Variants in ARHGEF33 observed in about 807,000 individuals in gnomAD.
ARHGEF33 encodes Rho guanine nucleotide exchange factor 33.
ARHGEF33 carries 72 observed loss-of-function variants against 101.9 expected under a neutral mutation model. The observed-to-expected ratio is 0.71, with a 90% CI of 0.58 to 0.86. The LOEUF (loss-of-function observed/expected upper bound fraction) is 0.86. Ranked by LOEUF, ARHGEF33 falls within the 40% of genes least tolerant of loss-of-function variation. ARHGEF33 has a pLI of 0.00. For missense variants in ARHGEF33, 1,169 were observed against 1,111.3 expected, an observed-to-expected ratio of 1.05 and a Z score of -0.74; for synonymous variants, 499 against 442.5, an observed-to-expected ratio of 1.13 and a Z score of -1.60.
intron 7 of ARHGEF33, among the ~76,000 whole-genome samples, chr2:38,934,946 G>T (rs1484594531): frequency 6.6e-6 from 1 of 151,908 alleles, no homozygotes; most frequent in African/African-American, 2.4e-5. Flanking sequence ...GGAGCAGCCA[G>T]TGTCAGGGTC....
At position 38,966,052 on chromosome 2, in the gene ARHGEF33, G is replaced by A. The variant is rs1668045602; in HGVS notation, c.2390G>A (p.Arg797Lys). The A allele has an allele frequency of 1.3e-6, 2 of 1,551,692 alleles. No homozygotes were observed. The highest frequency in any genetic ancestry group is 8.7e-7 in the Non-Finnish European group (1 of 1,146,966). Residue 797 changes from arginine (R) to lysine (K), a missense_variant, in exon 17 of 18, where the codon AGA (arginine) becomes AAA (lysine). By Grantham distance (26) the Arg-to-Lys change is conservative. Transcript: ENST00000409978. ...DTTRFCPKEE[R>K]ESEQTSFSDQ... Reference sequence around the variant, plus strand: ...ACCAGATTCTGTCCCAAAGAAGAAAGAGAAAGTGAACAAACATCTTTCAGC... The same window carrying A: ...ACCAGATTCTGTCCCAAAGAAGAAAAAGAAAGTGAACAAACATCTTTCAGC...
At chr2:38,909,381 G>C (rs1002762518) in intron 2 of ARHGEF33, among the ~76,000 whole-genome samples, 1 of 151,812 alleles carries the variant, frequency 6.6e-6, no homozygotes, top group Admixed American at 6.6e-5. Flanking sequence ...GAGTGCAGTG[G>C]CTCTATCATC....
intron 2 of ARHGEF33, among the ~76,000 whole-genome samples, chr2:38,917,184 C>T (rs762502876): frequency 9.3e-5 from 14 of 150,410 alleles, no homozygotes; most frequent in Admixed American, 1.3e-4. Flanking sequence ...CTCTGCGTCT[C>T]AGGTTAAAGT....
At chr2:38,931,337 G>C (rs1666999025) in intron 7 of ARHGEF33, 86 bp downstream of exon 7, 3 of 1,234,064 alleles carry the variant, frequency 2.4e-6, no homozygotes, top group Admixed American at 3.1e-5. Context: ...CTCCATCTTT[G>C]TTAGAAGAAA....
chr2:38,975,412 A>G lies in ARHGEF33; in HGVS notation c.*1569A>G, dbSNP rs915686547. ...GACTGGACGTGGAAAGTGAAATACT[A>G]CAGAAGTCACAATCTATTAAATAAA... is the stretch of plus-strand genomic sequence containing the variant. On this transcript the variant is annotated 3_prime_UTR_variant, in exon 18 of 18. Coordinates refer to ENST00000409978, the MANE Select transcript of ARHGEF33 (RefSeq NM_001145451.5). The G allele has an allele frequency of 6.6e-6, 1 of 152,236 alleles. No individual in the cohort carries two copies. The highest frequency in any genetic ancestry group is 2.4e-5 in the African/African-American group (1 of 41,460). The allele number at this position is 152,236 out of a possible 1,614,324, so 9.4% of individuals were successfully genotyped here.
At chr2:38,914,664 C>CAAAAAA (rs199737558) in intron 2 of ARHGEF33, among the ~76,000 whole-genome samples, 7 of 95,914 alleles carry the variant, frequency 7.3e-5, no homozygotes, top group Admixed American at 6.6e-4. Flanking sequence ...GACTCCATCT[C>CAAAAAA]AAAAAAAAAA....
chr2:38,947,562 C>T (rs897816167), intron 10 of ARHGEF33, among the ~76,000 whole-genome samples: 1 of 152,186 alleles, frequency 6.6e-6, no homozygotes, highest in African/African-American at 2.4e-5. Flanking sequence ...ATACATCATA[C>T]CACTAACAGC....
intron 14 of ARHGEF33, 102 bp from the exon 15 acceptor site, chr2:38,957,932 A>T (rs1341598839): frequency 1.4e-6 from 2 of 1,400,442 alleles, no homozygotes; most frequent in African/African-American, 2.9e-5. Flanking sequence ...CTTCACAGCA[A>T]ACTTTATCTG....
rs1667875404 is a variant in ARHGEF33, at chr2:38,960,047, A to C, written c.1742A>C (p.Glu581Ala). ...PLQAIPEMDF[E>A]SSPAEPLGNV... ...CAGGCCATCCCGGAGATGGACTTCG[A>C]GTCCTCTCCGGCGGAGCCGCTGGGC... The change falls in exon 16 of 18, where the codon GAG (glutamate) becomes GCG (alanine). Residue 581 changes from glutamate (E) to alanine (A), a missense_variant. Transcript: ENST00000409978. 1 of 1,544,024 alleles carries C rather than the reference A, an allele frequency of 6.5e-7. No homozygotes were observed. Among genetic ancestry groups the C allele is most frequent in the Admixed American group, 2.0e-5 (1 of 50,826 alleles).
intron 7 of ARHGEF33, among the ~76,000 whole-genome samples, chr2:38,932,319 G>A (rs189131328): frequency 6.6e-6 from 1 of 152,254 alleles, no homozygotes; most frequent in Non-Finnish European, 1.5e-5. Flanking sequence ...AGAGACAGGG[G>A]TTTCACCATG....
At chr2:38,899,314 A>G (rs1666191315) in intron 2 of ARHGEF33, among the ~76,000 whole-genome samples, 1 of 152,176 alleles carries the variant, frequency 6.6e-6, no homozygotes, top group Non-Finnish European at 1.5e-5. Context: ...ATTAAGTAAA[A>G]TTGCTAGTAT....
At chr2:38,951,169 G>A (rs754864286) in intron 11 of ARHGEF33, 48 bp downstream of exon 11, 2 of 1,521,430 alleles carry the variant, frequency 1.3e-6, no homozygotes, top group Non-Finnish European at 8.9e-7. Context: ...ACGGATTTGT[G>A]TCTCATTTGT....
intron 7 of ARHGEF33, among the ~76,000 whole-genome samples, chr2:38,931,841 C>G (rs567314289): frequency 9.2e-5 from 14 of 152,290 alleles, no homozygotes; most frequent in African/African-American, 3.4e-4. Context: ...AGCAAAGCAC[C>G]TATACACAGA....
chr2:38,948,272 C>G (rs963191179), intron 10 of ARHGEF33, among the ~76,000 whole-genome samples: 2 of 152,196 alleles, frequency 1.3e-5, no homozygotes, highest in African/African-American at 4.8e-5. Flanking sequence ...AAATAATACC[C>G]TTGTTAAATT....
chr2:38,973,392 G>GT (rs1668208192), intron 17 of ARHGEF33: 1 of 157,504 alleles, frequency 6.3e-6, no homozygotes, highest in South Asian at 2.0e-4. Flanking sequence ...TTGTGGAGTT[G>GT]TTACTTCATT....
chr2:38,947,813 G>A (rs1050726506), intron 10 of ARHGEF33, among the ~76,000 whole-genome samples: 1 of 152,090 alleles, frequency 6.6e-6, no homozygotes, highest in Non-Finnish European at 1.5e-5. Context: ...AGCTCAACAA[G>A]CTTCGTGCTA....
intron 2 of ARHGEF33, among the ~76,000 whole-genome samples, chr2:38,912,840 T>C (rs982474826): frequency 1.1e-4 from 16 of 152,244 alleles, no homozygotes; most frequent in African/African-American, 3.9e-4. Flanking sequence ...TTCCCAAGCC[T>C]CAGTATTCTC....
At chr2:38,945,400 G>C (rs1388980398) in intron 10 of ARHGEF33, among the ~76,000 whole-genome samples, 1 of 152,204 alleles carries the variant, frequency 6.6e-6, no homozygotes, top group Non-Finnish European at 1.5e-5. Flanking sequence ...CAAAACAGAG[G>C]TAAACCAAAT....
At chr2:38,973,486 TACAATTGTC>T (rs1478224912) in intron 17 of ARHGEF33, among the ~76,000 whole-genome samples, 1 of 152,178 alleles carries the variant, frequency 6.6e-6, no homozygotes, top group Non-Finnish European at 1.5e-5. Context: ...CACTGACATA[TACAATTGTC>T]ACAATTGTCC....
Sources: gnomAD v4.1 joint callset for allele counts (sites outside exome capture counted in the v4.1 genomes callset) on GRCh38, gnomAD v4.1.1 for gene constraint, MANE v1.5 for transcripts, NCBI Gene and HGNC (gene_info 2026-07-23, HGNC 2026-07-21) for gene names.